The following ARHGEF16 variants were observed in gnomAD, a reference collection of about 807,000 sequenced individuals.
ARHGEF16 encodes Rho guanine nucleotide exchange factor 16, also known as Rho guanine exchange factor (GEF) 16.
ARHGEF16 carries 59 observed loss-of-function variants against 74.1 expected under a neutral mutation model. The ratio of observed to expected loss-of-function variants is 0.80; its 90% CI spans 0.65 to 0.99. The LOEUF is 0.99. ARHGEF16 is among the 50% of genes least tolerant of loss of function. The pLI, the probability that ARHGEF16 is intolerant of heterozygous loss-of-function variation, is 0.00. For synonymous variants in ARHGEF16, 415 were observed against 412.6 expected, an observed-to-expected ratio of 1.01 and a Z score of -0.07; for missense variants, 948 against 986.6, an observed-to-expected ratio of 0.96 and a Z score of 0.52.
At position 3,478,569 on chromosome 1, in the gene ARHGEF16, A is replaced by G. The variant is rs749031132; in HGVS notation, c.1771A>G (p.Ser591Gly). The G allele has an allele frequency of 6.2e-7, 1 of 1,612,420 alleles. No homozygotes were observed. The change falls in exon 12 of 15, where the codon AGC (serine) becomes GGC (glycine). Residue 591 changes from serine to glycine, a missense_variant. Transcript: ENST00000378378. The part of the protein sequence containing the change: ...HPFQVTLLRN[S>G]EGRQEQLLLS... ...CTTCCAGGTGACCCTGCTTCGCAAC[A>G]GCGAGGGCCGCCAGGAGCAGCTCCT...
Position 3,478,532 on chromosome 1 carries a change from C to T in ARHGEF16, c.1734C>T (p.Ser578=), listed in dbSNP as rs765571033. 23 of 1,612,548 alleles carry T rather than the reference C, an allele frequency of 1.4e-5. No individual in the cohort carries two copies. The highest frequency in any genetic ancestry group is 6.7e-5 in the African/African-American group (5 of 74,944). Residue 578 remains serine, a synonymous_variant, in exon 12 of 15, where the codon TCC becomes TCT. Coordinates refer to ENST00000378378, the MANE Select transcript of ARHGEF16 (RefSeq NM_014448.4). ...PLPGGGNRSS[S]VPHPFQVTLL... ...CCGGGGGCGGCAACCGTAGCTCCTC[C>T]GTGCCCCACCCCTTCCAGGTGACCC...
At chr1:3,479,073 G>A (rs1639981076) in intron 12 of ARHGEF16, among the ~76,000 whole-genome samples, 2 of 152,206 alleles carry the variant, frequency 1.3e-5, no homozygotes, top group Non-Finnish European at 2.9e-5. Flanking sequence ...GGTGGTCCTG[G>A]CACTCAGAAT....
intron 6 of ARHGEF16, chr1:3,471,714 C>G (rs185926767): frequency 8.2e-7 from 1 of 1,226,354 alleles, no homozygotes; most frequent in Non-Finnish European, 1.1e-6. Context: ...CGGGAAGCTC[C>G]GGCCTCCTCC....
intron 5 of ARHGEF16, among the ~76,000 whole-genome samples, 162 bp from the exon 6 acceptor site, chr1:3,469,271 C>T (rs937536824): frequency 3.3e-5 from 5 of 152,174 alleles, no homozygotes; most frequent in African/African-American, 9.7e-5. Flanking sequence ...GCTGGCATCT[C>T]CAAGCTGGCC....
chr1:3,471,065 G>A (rs1639705974), intron 6 of ARHGEF16, among the ~76,000 whole-genome samples: 1 of 140,560 alleles, frequency 7.1e-6, no homozygotes, highest in South Asian at 2.4e-4. Context: ...TGCATGGACA[G>A]GTATGTGTGC....
intron 10 of ARHGEF16, among the ~76,000 whole-genome samples, chr1:3,477,337 A>G (rs1261484406): frequency 5.7e-5 from 6 of 105,016 alleles, no homozygotes; most frequent in Admixed American, 2.0e-4. Flanking sequence ...TCACCCCCAC[A>G]CTGCCCACCC....
Position 3,467,408 on chromosome 1 carries a change from C to A in ARHGEF16, c.804+71C>A. 5 of 1,459,462 alleles carry A rather than the reference C, an allele frequency of 3.4e-6. No individual in the cohort carries two copies. The South Asian group carries it at 5.4e-5, about 16-fold the overall frequency. 90.4% of individuals were successfully genotyped at this position (1,459,462 alleles called of 1,614,324 possible). On this transcript the variant is annotated intron_variant, in intron 4 of 14. Transcript: ENST00000378378. Reference sequence around the variant, plus strand: ...AGCCACAGTCCCCCTGCTGTTCCTTCCCCAAGCCCAGGCGGCTGGTCCCCA... The same window carrying A: ...AGCCACAGTCCCCCTGCTGTTCCTTACCCAAGCCCAGGCGGCTGGTCCCCA...
At chr1:3,470,301 GGTGTCTGCACGGGT>G (rs139076740) in intron 6 of ARHGEF16, among the ~76,000 whole-genome samples, 6,778 of 150,938 alleles carry the variant, frequency 0.045, 523 homozygotes, top group African/African-American at 0.15. Context: ...CATGGGCAGG[GGTGTCTGCACGGGT>G]GTGTCTGCAC....
At chr1:3,472,938 G>A in intron 6 of ARHGEF16, 140 bp from the exon 7 acceptor site, 1 of 781,842 alleles carries the variant, frequency 1.3e-6, no homozygotes, top group Non-Finnish European at 1.8e-6. Context: ...TGCTTGCTGT[G>A]TGCTGCCTCT....
intron 4 of ARHGEF16, among the ~76,000 whole-genome samples, chr1:3,468,254 C>T (rs1002576007): frequency 2.6e-5 from 4 of 152,188 alleles, no homozygotes; most frequent in South Asian, 2.1e-4. Context: ...TTGGCCCAGG[C>T]GCTGTTGGCG....
At chr1:3,471,035 C>T (rs1225326237) in intron 6 of ARHGEF16, among the ~76,000 whole-genome samples, 1 of 95,644 alleles carries the variant, frequency 1.0e-5, no homozygotes, top group Non-Finnish European at 2.1e-5. Flanking sequence ...GGTGTGTGTG[C>T]GTGGGCAGGG....
At chr1:3,472,959 C>A in intron 6 of ARHGEF16, 119 bp from the exon 7 acceptor site, 1 of 1,006,812 alleles carries the variant, frequency 9.9e-7, no homozygotes, top group Non-Finnish European at 1.3e-6. Flanking sequence ...GGGAGCTGAG[C>A]TCAGCTCCTG....
rs768439357 is a variant in ARHGEF16 at position 3,474,695 on chromosome 1, G to A, written c.1306-13G>A. On this transcript the variant is annotated splice_polypyrimidine_tract_variant and intron_variant, in intron 8 of 14. Coordinates refer to ENST00000378378, the MANE Select transcript of ARHGEF16 (RefSeq NM_014448.4). ...AGAGGGGACTTTCTGTCCCATGTCT[G>A]TTGTCCATCCAGACGCTCTGCCTCA... is the stretch of plus-strand genomic sequence containing the variant. 6.2e-6 allele frequency: 10 copies of A among 1,612,032 alleles called. No homozygotes were observed. The highest frequency in any genetic ancestry group is 7.6e-6 in the Non-Finnish European group (9 of 1,179,204).
intron 6 of ARHGEF16, chr1:3,471,775 A>AC: frequency 8.8e-7 from 1 of 1,135,264 alleles, no homozygotes; most frequent in Non-Finnish European, 1.1e-6. Context: ...CTGTCTGGGG[A>AC]ATCATCGCTA....
At position 3,469,531 on chromosome 1, in the gene ARHGEF16, G is replaced by T; in HGVS notation, c.960G>T (p.Val320=). 6.2e-7 allele frequency: 1 copy of T among 1,613,158 alleles called. No individual in the cohort carries two copies. The highest frequency in any genetic ancestry group is 8.5e-7 in the Non-Finnish European group (1 of 1,179,984). The part of the protein sequence containing the change: ...FLQSKELRAT[V]TQMEHHHLFS... Reference sequence around the variant, plus strand: ...AGTCCAAGGAGCTGCGGGCGACCGTGACCCAGATGGAGCACCACCACCTCT... The same window carrying T: ...AGTCCAAGGAGCTGCGGGCGACCGTTACCCAGATGGAGCACCACCACCTCT... Residue 320 remains valine (V), a synonymous_variant, in exon 6 of 15, where the codon GTG becomes GTT. Transcript: ENST00000378378.
intron 13 of ARHGEF16, 23 bp downstream of exon 13, chr1:3,479,613 A>C (rs1312299158): frequency 6.2e-7 from 1 of 1,606,566 alleles, no homozygotes; most frequent in Non-Finnish European, 8.5e-7. Flanking sequence ...TGGGGCCTGC[A>C]GGGCTGGCCC....
intron 1 of ARHGEF16, among the ~76,000 whole-genome samples, chr1:3,462,583 C>T (rs1417180107): frequency 1.3e-5 from 2 of 152,298 alleles, no homozygotes; most frequent in East Asian, 1.9e-4. Context: ...ATGACCCTTG[C>T]GTTCACCACG....
At chr1:3,471,701 G>T in intron 6 of ARHGEF16, 1 of 1,240,466 alleles carries the variant, frequency 8.1e-7, no homozygotes, top group Non-Finnish European at 1.0e-6. Context: ...TGCTGCCCTG[G>T]GGCGGGAAGC....
At chr1:3,468,596 C>T in intron 4 of ARHGEF16, 2 of 474,664 alleles carry the variant, frequency 4.2e-6, no homozygotes, top group South Asian at 4.4e-5. Context: ...TCCCCCCCCG[C>T]CCTCTGGCCT....
Sources: gnomAD v4.1 joint callset for allele counts (sites outside exome capture counted in the v4.1 genomes callset) on GRCh38, gnomAD v4.1.1 for gene constraint, MANE v1.5 for transcripts, NCBI Gene and HGNC (gene_info 2026-07-23, HGNC 2026-07-21) for gene names.